Variants in HTT observed in about 807,000 individuals in gnomAD.
HTT encodes the protein huntington disease protein.
A neutral mutation model predicts 362.3 loss-of-function variants in HTT; 104 were observed. The observed-to-expected ratio is 0.29, with a 90% CI of 0.24 to 0.34. The LOEUF (loss-of-function observed/expected upper bound fraction) is 0.34. HTT is among the 10% of genes least tolerant of loss of function. HTT has a pLI of 1.00. For synonymous variants in HTT, 1,577 were observed against 1,548.7 expected (o/e 1.02, Z -0.43); for missense variants, 3,301 against 3,928.6 (o/e 0.84, Z 4.27).
intron 6 of HTT, among the ~76,000 whole-genome samples, chr4:3,111,453 G>A (rs989622771): frequency 1.3e-5 from 2 of 152,094 alleles, no homozygotes; most frequent in East Asian, 1.9e-4. Context: ...CTTGGCCTCC[G>A]AAAGTGCCGG....
intron 8 of HTT, 40 bp from the exon 9 acceptor site, chr4:3,121,188 A>T: frequency 6.6e-7 from 1 of 1,504,012 alleles, no homozygotes; most frequent in Non-Finnish European, 9.2e-7. Flanking sequence ...GATGCATTTT[A>T]TAAACTCTGA....
chr4:3,104,477 C>T (rs1418277769), intron 4 of HTT, among the ~76,000 whole-genome samples: 5 of 151,632 alleles, frequency 3.3e-5, no homozygotes, highest in South Asian at 2.1e-4. Flanking sequence ...AGTGTGGTGG[C>T]GGGCGCCTGT....
chr4:3,112,749 C>T (rs1269587416), intron 6 of HTT, among the ~76,000 whole-genome samples: 3 of 152,178 alleles, frequency 2.0e-5, no homozygotes. Context: ...GTGCAGGTTT[C>T]CATCTTGCAC....
chr4:3,112,898 G>T (rs1279997592), intron 6 of HTT: 2 of 240,744 alleles, frequency 8.3e-6, no homozygotes, highest in Non-Finnish European at 1.3e-5. Context: ...TCTGGTCCTC[G>T]CTAGCACTTG....
chr4:3,140,059 A>C lies in HTT; in HGVS notation c.2799-451A>C, dbSNP rs1483016550. On this transcript the variant is annotated intron_variant, in intron 21 of 66. Coordinates refer to ENST00000355072, the MANE Select transcript of HTT (RefSeq NM_001388492.1). ...CACGAGGTCAGGAGTTCAAGAGTTCAAGAACAGCCTGGCCAAGGTGATGAA... is the reference window on the plus strand; with the variant it reads ...CACGAGGTCAGGAGTTCAAGAGTTCCAGAACAGCCTGGCCAAGGTGATGAA... Among the ~76,000 whole-genome samples the C allele has an allele frequency of 2.6e-5, 4 of 152,266 alleles. No homozygotes were observed. The Middle Eastern group carries it at 0.01, about 388-fold the overall frequency.
At chr4:3,080,166 C>G (rs1416192077) in intron 1 of HTT, among the ~76,000 whole-genome samples, 1 of 149,490 alleles carries the variant, frequency 6.7e-6, no homozygotes, top group Non-Finnish European at 1.5e-5. Flanking sequence ...GTGATCTCAG[C>G]TCACTAAAAC....
At chr4:3,204,208 T>G (rs1719735306) in intron 42 of HTT, 60 bp downstream of exon 42, 5 of 1,579,938 alleles carry the variant, frequency 3.2e-6, no homozygotes, top group Non-Finnish European at 3.5e-6. Context: ...GAACATCCTG[T>G]GTAGATGACA....
rs570335280 is a variant in HTT at position 3,112,102 on chromosome 4, C to T, written c.748-3202C>T. On this transcript the variant is annotated intron_variant, in intron 6 of 66. Coordinates refer to ENST00000355072, the MANE Select transcript of HTT (RefSeq NM_001388492.1). ...ATGTCCCTGTTCTGTTCTTTCTGTTCGTGTAAATATATGCTTTATACAACT... is the reference window on the plus strand; with the variant it reads ...ATGTCCCTGTTCTGTTCTTTCTGTTTGTGTAAATATATGCTTTATACAACT... Among the ~76,000 whole-genome samples, 5 of 152,266 alleles carry T rather than the reference C, an allele frequency of 3.3e-5. 1 individual carries two copies. The highest frequency in any genetic ancestry group is 9.6e-5 in the African/African-American group (4 of 41,548).
chr4:3,083,530 T>TATACACACACAC (rs1165543364), intron 1 of HTT, among the ~76,000 whole-genome samples: 2 of 125,126 alleles, frequency 1.6e-5, no homozygotes, highest in Non-Finnish European at 3.5e-5. Flanking sequence ...TCTCTAAATA[T>TATACACACACAC]ACACACACAC....
chr4:3,199,690 C>G, intron 40 of HTT, 42 bp from the exon 41 acceptor site: 1 of 1,576,222 alleles, frequency 6.3e-7, no homozygotes, highest in Non-Finnish European at 8.7e-7. Context: ...GGCACTGGAC[C>G]GAGATGAAAG....
In HTT at chr4:3,208,931, G is replaced by C. The variant is rs1720003500; in HGVS notation, c.6291+20G>C. 1.2e-6 allele frequency: 2 copies of C among 1,601,266 alleles called. No homozygotes were observed. The highest frequency in any genetic ancestry group is 1.3e-5 in the African/African-American group (1 of 74,636). On this transcript the variant is annotated intron_variant, in intron 46 of 66. Transcript: ENST00000355072. The stretch of plus-strand genomic sequence containing the variant: ...GACAAAGTAAGTGTCCAGCGTGTCT[G>C]CATGGGAGGCACAGGGCGCTGAGTG...
chr4:3,207,146 C>T, intron 44 of HTT, 135 bp from the exon 45 acceptor site: 1 of 1,034,310 alleles, frequency 9.7e-7, no homozygotes, highest in Admixed American at 2.2e-5. Context: ...TCCGATCTGA[C>T]TGTTTCTTGT....
At chr4:3,226,323 G>A (rs1426086387) in intron 57 of HTT, among the ~76,000 whole-genome samples, 1 of 152,190 alleles carries the variant, frequency 6.6e-6, no homozygotes, top group Non-Finnish European at 1.5e-5. Context: ...GGATTCAAGG[G>A]TCTGGGTGTG....
intron 40 of HTT, among the ~76,000 whole-genome samples, chr4:3,198,388 C>T (rs1181557515): frequency 6.6e-6 from 1 of 152,044 alleles, no homozygotes; most frequent in Non-Finnish European, 1.5e-5. Flanking sequence ...CCACACTCGG[C>T]CAATTTTTGT....
Position 3,103,841 on chromosome 4 carries a change from T to A in HTT, c.486T>A (p.Asn162Lys). The change falls in exon 4 of 67, where the codon AAT becomes AAA. Residue 162 changes from asparagine to lysine, a missense_variant. By Grantham distance (94) the Asn-to-Lys change is moderately conservative. Coordinates refer to ENST00000355072, the MANE Select transcript of HTT (RefSeq NM_001388492.1). ...NKVIKALMDSNLPRLQLELYK... is the reference protein window; with the variant it reads ...NKVIKALMDSKLPRLQLELYK... ...TGTTGTAGGCTTTGATGGATTCTAA[T>A]CTTCCAAGGTTACAGCTCGAGCTCT... 6.2e-7 allele frequency: 1 copy of A among 1,604,018 alleles called. No individual in the cohort carries two copies. The highest frequency in any genetic ancestry group is 8.5e-7 in the Non-Finnish European group (1 of 1,171,776).
At chr4:3,236,486 T>C (rs1163340351) in intron 64 of HTT, among the ~76,000 whole-genome samples, 2 of 152,138 alleles carry the variant, frequency 1.3e-5, no homozygotes, top group Non-Finnish European at 2.9e-5. Context: ...GTTGTCCCAG[T>C]GCCTGCCCAT....
intron 22 of HTT, 129 bp from the exon 23 acceptor site, chr4:3,142,637 C>G (rs943429313): frequency 4.0e-6 from 2 of 505,434 alleles, no homozygotes; most frequent in African/African-American, 3.9e-5. Flanking sequence ...TATTTTCAGC[C>G]CGTTTCACTT....
Position 3,223,450 on chromosome 4 carries a change from C to T in HTT, c.7515C>T (p.Ala2505=). The T allele has an allele frequency of 6.2e-7, 1 of 1,612,092 alleles. No homozygotes were observed. The highest frequency in any genetic ancestry group is 8.5e-7 in the Non-Finnish European group (1 of 1,178,980). The part of the protein sequence containing the change: ...RTQINVLAVQ[A]ITSLVLSAMT... Reference sequence around the variant, plus strand: ...AGATCAACGTCCTGGCCGTGCAGGCCATCACCTCACTGGTGCTCAGTGCAA... The same window carrying T: ...AGATCAACGTCCTGGCCGTGCAGGCTATCACCTCACTGGTGCTCAGTGCAA... Residue 2505 remains alanine, a synonymous_variant, in exon 55 of 67, where the codon GCC becomes GCT. Coordinates refer to ENST00000355072, the MANE Select transcript of HTT (RefSeq NM_001388492.1).
At chr4:3,122,695 A>T (rs981515835) in intron 9 of HTT, among the ~76,000 whole-genome samples, 194 bp from the exon 10 acceptor site, 3 of 152,222 alleles carry the variant, frequency 2.0e-5, no homozygotes, top group Admixed American at 6.5e-5. Context: ...ATATCTTTAG[A>T]ACTATATATT....
Sources: gnomAD v4.1 joint callset for allele counts (sites outside exome capture counted in the v4.1 genomes callset) on GRCh38, gnomAD v4.1.1 for gene constraint, MANE v1.5 for transcripts, NCBI Gene and HGNC (gene_info 2026-07-23, HGNC 2026-07-21) for gene names.